The following SLCO1B1 variants were observed in gnomAD, a reference collection of about 807,000 sequenced individuals.
SLCO1B1 encodes solute carrier organic anion transporter family member 1B1, also known as OATP-2.
A neutral mutation model predicts 70.1 loss-of-function variants in SLCO1B1; 81 were observed. The observed-to-expected ratio is 1.16, with a 90% CI of 0.97 to 1.39. The LOEUF (loss-of-function observed/expected upper bound fraction) is 1.39, where lower values mean the gene tolerates loss of function less well. Ranked by LOEUF, SLCO1B1 falls within the 40% of genes most tolerant of loss-of-function variation. The pLI is 0.00. For synonymous variants in SLCO1B1, 283 were observed against 271.5 expected (o/e 1.04, Z -0.42); for missense variants, 895 against 799.6 (o/e 1.12, Z -1.44).
intron 14 of SLCO1B1, 25 bp downstream of exon 14, chr12:21,224,864 TTA>T (rs769560415): frequency 2.9e-5 from 36 of 1,245,206 alleles, no homozygotes; most frequent in Non-Finnish European, 4.2e-5. Flanking sequence ...ATATATTTCA[TTA>T]TTTTTTCTTT....
At chr12:21,236,175 C>T (rs77308235) in intron 14 of SLCO1B1, among the ~76,000 whole-genome samples, 1,532 of 152,214 alleles carry the variant, frequency 0.01, 24 homozygotes, top group African/African-American at 0.033. Context: ...GGTACTGCCT[C>T]CTTCAGTAAT....
At chr12:21,170,211 A>T (rs796755478) in intron 2 of SLCO1B1, among the ~76,000 whole-genome samples, 39 of 152,310 alleles carry the variant, frequency 2.6e-4, no homozygotes, top group African/African-American at 8.4e-4. Flanking sequence ...AAAATATTGA[A>T]CATAGGAGAT....
At chr12:21,180,843 A>G (rs1323721531) in intron 7 of SLCO1B1, among the ~76,000 whole-genome samples, 1 of 152,180 alleles carries the variant, frequency 6.6e-6, no homozygotes, top group Non-Finnish European at 1.5e-5. Context: ...TTATTTTATA[A>G]GCTCTCTAAA....
intron 7 of SLCO1B1, 39 bp from the exon 8 acceptor site, chr12:21,196,907 A>T: frequency 6.2e-7 from 1 of 1,600,552 alleles, no homozygotes; most frequent in Non-Finnish European, 8.6e-7. Flanking sequence ...TTGTATTTCA[A>T]AATGATTTTT....
intron 7 of SLCO1B1, among the ~76,000 whole-genome samples, chr12:21,189,500 T>G (rs1180310205): frequency 1.3e-5 from 2 of 151,960 alleles, no homozygotes; most frequent in African/African-American, 4.8e-5. Flanking sequence ...CAGGCTGGAG[T>G]GCAGTTGTGT....
intron 13 of SLCO1B1, among the ~76,000 whole-genome samples, chr12:21,223,268 T>A (rs914128020): frequency 1.3e-5 from 2 of 152,164 alleles, no homozygotes; most frequent in Non-Finnish European, 2.9e-5. Context: ...GGAACCTAAA[T>A]GCACCTATGG....
At chr12:21,175,105 G>A (rs1940804571) in intron 4 of SLCO1B1, among the ~76,000 whole-genome samples, 1 of 152,108 alleles carries the variant, frequency 6.6e-6, no homozygotes, top group Non-Finnish European at 1.5e-5. Context: ...TCACTGTGTA[G>A]TTATAATTAC....
chr12:21,200,816 A>G (rs1941148515), intron 9 of SLCO1B1, 144 bp downstream of exon 9: 1 of 668,860 alleles, frequency 1.5e-6, no homozygotes, highest in Non-Finnish European at 2.4e-6. Flanking sequence ...CTCAAATGTT[A>G]TTAAACATAT....
intron 4 of SLCO1B1, 59 bp from the exon 5 acceptor site, chr12:21,176,717 G>A (rs1169982845): frequency 3.8e-6 from 5 of 1,320,430 alleles, no homozygotes; most frequent in Admixed American, 3.4e-5. Context: ...TGTATTTCTA[G>A]GAAAAGTGAA....
chr12:21,203,005 T>C (rs1490479897), intron 10 of SLCO1B1, among the ~76,000 whole-genome samples: 1 of 152,060 alleles, frequency 6.6e-6, no homozygotes, highest in Admixed American at 6.6e-5. Flanking sequence ...ATTACACAGC[T>C]AGCATTATTA....
intron 7 of SLCO1B1, among the ~76,000 whole-genome samples, chr12:21,193,570 T>C (rs1941055850): frequency 6.6e-6 from 1 of 152,196 alleles, no homozygotes; most frequent in Non-Finnish European, 1.5e-5. Flanking sequence ...TTTTTGCAAC[T>C]TGAGACAGTT....
intron 7 of SLCO1B1, among the ~76,000 whole-genome samples, chr12:21,194,858 T>A (rs1355978027): frequency 6.6e-6 from 1 of 152,226 alleles, no homozygotes; most frequent in Admixed American, 6.5e-5. Context: ...TTATCTCAGA[T>A]TCTGAGGAGA....
intron 1 of SLCO1B1, among the ~76,000 whole-genome samples, chr12:21,140,134 C>T (rs539732681): frequency 1.8e-4 from 28 of 152,174 alleles, no homozygotes; most frequent in African/African-American, 6.7e-4. Context: ...ACTAACCCCA[C>T]ATCTCTCCAA....
At chr12:21,209,735 T>A (rs11535997) in intron 11 of SLCO1B1, among the ~76,000 whole-genome samples, 54,591 of 149,684 alleles carry the variant, frequency 0.36, 11,925 homozygotes, top group South Asian at 0.52. Flanking sequence ...TTCCTGACTT[T>A]TTAATGATTG....
intron 14 of SLCO1B1, among the ~76,000 whole-genome samples, chr12:21,236,103 A>T (rs11045889): frequency 0.32 from 48,366 of 151,950 alleles, 8,263 homozygotes; most frequent in East Asian, 0.45. Context: ...TGTTGCACCC[A>T]CAACAGTGTA....
intron 2 of SLCO1B1, among the ~76,000 whole-genome samples, chr12:21,160,106 TAAAA>T (rs56102570): frequency 8.9e-6 from 1 of 111,952 alleles, no homozygotes; most frequent in Non-Finnish European, 1.8e-5. Flanking sequence ...TTCACAGAAC[TAAAA>T]AAAAAAAAAA....
intron 11 of SLCO1B1, among the ~76,000 whole-genome samples, chr12:21,213,172 C>T (rs1484562223): frequency 2.6e-5 from 4 of 152,064 alleles, no homozygotes; most frequent in South Asian, 2.1e-4. Flanking sequence ...ATGGTCTTTA[C>T]ATTTTGCCAT....
intron 2 of SLCO1B1, among the ~76,000 whole-genome samples, chr12:21,152,245 C>G (rs1256476947): frequency 6.6e-6 from 1 of 151,794 alleles, no homozygotes; most frequent in Non-Finnish European, 1.5e-5. Context: ...AAATTTTTAT[C>G]TGTCTGCTTA....
At chr12:21,166,332 C>T (rs1396666319) in intron 2 of SLCO1B1, among the ~76,000 whole-genome samples, 2 of 152,034 alleles carry the variant, frequency 1.3e-5, no homozygotes, top group African/African-American at 4.8e-5. Context: ...GCAAGAGTTC[C>T]TTAATAAGAT....
Sources: gnomAD v4.1 joint callset for allele counts (sites outside exome capture counted in the v4.1 genomes callset) on GRCh38, gnomAD v4.1.1 for gene constraint, MANE v1.5 for transcripts, NCBI Gene and HGNC (gene_info 2026-07-23, HGNC 2026-07-21) for gene names.